Variants in ZNF329 observed in about 807,000 individuals in gnomAD.
The protein encoded by ZNF329 is zinc finger protein 329.
In ZNF329, 15 loss-of-function variants were observed where a neutral mutation model predicts 26.6. The observed-to-expected ratio is 0.56, with a 90% CI of 0.38 to 0.87. ZNF329 has a LOEUF of 0.87. Ranked by LOEUF, ZNF329 falls within the 40% of genes least tolerant of loss-of-function variation. The probability of loss-of-function intolerance (pLI) is 0.00; values close to 1 mark genes in which losing one functional copy is unlikely to be tolerated. For missense variants in ZNF329, 651 were observed against 651.9 expected (o/e 1.00, Z 0.02); for synonymous variants, 239 against 233.5 (o/e 1.02, Z -0.21).
Position 58,128,863 on chromosome 19 carries a change from CG to C in ZNF329, c.640del (p.Arg214GlyfsTer33). On this transcript the variant is annotated frameshift_variant, in exon 4 of 4. Transcript: ENST00000598312. LOFTEE classifies it high-confidence loss of function. The stretch of plus-strand genomic sequence containing the variant: ...GTGATGCAAAACAAGAGAAGAGTTC[CG>C]TTTGAAGCATTTGCCACATTCAGTA... Reference protein sequence around the residue: ...RCTECGKCFKRNSSLVLHHRT... With the variant: ...RCTECGKCFKXNSSLVLHHRT... 1 of 1,612,876 alleles carries C rather than the reference CG, an allele frequency of 6.2e-7. No individual in the cohort carries two copies. The highest frequency in any genetic ancestry group is 8.5e-7 in the Non-Finnish European group (1 of 1,179,606).
At chr19:58,146,541 CT>C (rs1352406449) in intron 1 of ZNF329, among the ~76,000 whole-genome samples, 5,573 of 151,318 alleles carry the variant, frequency 0.037, 231 homozygotes, top group African/African-American at 0.12. Flanking sequence ...CCCCCTCCCC[CT>C]CTCCCTCTCC....
At position 58,129,378 on chromosome 19, in the gene ZNF329, G is replaced by C. The variant is rs771006762; in HGVS notation, c.126C>G (p.Asn42Lys). Reference sequence around the variant, plus strand: ...CTGATTGCCTCAAGTGTCCCTCCTGGTTCTCACAGTCCCAACCATCACCTA... The same window carrying C: ...CTGATTGCCTCAAGTGTCCCTCCTGCTTCTCACAGTCCCAACCATCACCTA... ...SSLGDGWDCE[N>K]QEGHLRQSAL... is the part of the protein sequence containing the mutation. The change falls in exon 4 of 4, where the codon AAC becomes AAG. Residue 42 changes from asparagine to lysine, a missense_variant. Transcript: ENST00000598312. 1 of 1,614,146 alleles carries C rather than the reference G, an allele frequency of 6.2e-7. No individual in the cohort carries two copies. The highest frequency in any genetic ancestry group is 1.7e-5 in the Admixed American group (1 of 60,012).
chr19:58,137,809 C>CAAAAAAAAAAAAAAAAAAAAA (rs72295173), intron 3 of ZNF329, among the ~76,000 whole-genome samples: 1 of 76,262 alleles, frequency 1.3e-5, no homozygotes, highest in African/African-American at 5.0e-5. Context: ...ACAAAAAATA[C>CAAAAAAAAAAAAAAAAAAAAA]AAAAAAAAAA....
chr19:58,131,901 T>C (rs2074952902), intron 3 of ZNF329, among the ~76,000 whole-genome samples: 1 of 151,526 alleles, frequency 6.6e-6, no homozygotes, highest in Non-Finnish European at 1.5e-5. Context: ...CGGGCGCCTG[T>C]AGTCCCAGCT....
At chr19:58,137,035 CT>C (rs2075085503) in intron 3 of ZNF329, 1 of 183,968 alleles carries the variant, frequency 5.4e-6, no homozygotes, top group African/African-American at 2.4e-5. Flanking sequence ...TAAGTCCCAC[CT>C]TCAACACCTT....
intron 3 of ZNF329, among the ~76,000 whole-genome samples, chr19:58,137,509 G>C (rs929874138): frequency 6.6e-6 from 1 of 151,982 alleles, no homozygotes; most frequent in Non-Finnish European, 1.5e-5. Context: ...AGCCGAGATC[G>C]TGCCACTGCA....
At chr19:58,152,686 GTC>G (rs2146151808), upstream of ZNF329, among the ~76,000 whole-genome samples, 1 of 152,164 alleles carries the variant, frequency 6.6e-6, no homozygotes, top group South Asian at 2.1e-4. Context: ...TGTGAAACCT[GTC>G]TCTACTAAAA....
intron 1 of ZNF329, among the ~76,000 whole-genome samples, chr19:58,146,674 C>A: frequency 6.6e-6 from 1 of 151,846 alleles, no homozygotes; most frequent in East Asian, 2.0e-4. Flanking sequence ...CCTCAGCCTG[C>A]CGAGTGCCTG....
chr19:58,130,165 C>CA (rs1170681121), intron 3 of ZNF329, among the ~76,000 whole-genome samples: 5 of 151,630 alleles, frequency 3.3e-5, no homozygotes, highest in African/African-American at 4.8e-5. Context: ...ACTAAAAATA[C>CA]AAAAAAAATC....
At position 58,144,448 on chromosome 19, in the gene ZNF329, C is replaced by T. The variant is rs187580355; in HGVS notation, c.-207-1250G>A. Among the ~76,000 whole-genome samples the T allele has an allele frequency of 4.2e-3, 626 of 150,278 alleles. 9 individuals are homozygous for T. Among genetic ancestry groups the T allele is most frequent in the African/African-American group, 0.014 (587 of 40,684 alleles). On this transcript the variant is annotated intron_variant, in intron 1 of 3. Coordinates refer to ENST00000598312, the MANE Select transcript of ZNF329 (RefSeq NM_024620.4). ...CTGTAGCTGGGCTGGAGTGCAGTGG[C>T]GCGATCTCGGCTCACTGCAACCTCC...
At chr19:58,152,109 A>G (rs1300413016), upstream of ZNF329, among the ~76,000 whole-genome samples, 1 of 152,252 alleles carries the variant, frequency 6.6e-6, no homozygotes, top group African/African-American at 2.4e-5. Flanking sequence ...TTGGAAATCA[A>G]TTAGCAAAAG....
At chr19:58,131,109 A>ATGTGTGTG (rs1397885691) in intron 3 of ZNF329, among the ~76,000 whole-genome samples, 2 of 147,360 alleles carry the variant, frequency 1.4e-5, no homozygotes, top group African/African-American at 5.0e-5. Context: ...ATATACATGT[A>ATGTGTGTG]TATGTGTATA....
At chr19:58,140,954 T>A (rs746289650) in intron 3 of ZNF329, among the ~76,000 whole-genome samples, 3 of 149,364 alleles carry the variant, frequency 2.0e-5, no homozygotes, top group Non-Finnish European at 4.4e-5. Context: ...CACTGCAACC[T>A]CCACCTCCTG....
At chr19:58,148,992 A>T (rs974422696) in intron 1 of ZNF329, among the ~76,000 whole-genome samples, 5 of 152,222 alleles carry the variant, frequency 3.3e-5, no homozygotes, top group Non-Finnish European at 7.3e-5. Flanking sequence ...CCAGACAGTT[A>T]AGGCATTCTA....
intron 3 of ZNF329, among the ~76,000 whole-genome samples, chr19:58,136,149 T>G (rs12976966): frequency 0.12 from 17,988 of 151,124 alleles, 1,354 homozygotes; most frequent in Middle Eastern, 0.23. Context: ...GAGAATCGCT[T>G]GAACCTGGGA....
At chr19:58,140,226 G>A (rs1351560855) in intron 3 of ZNF329, among the ~76,000 whole-genome samples, 4 of 151,954 alleles carry the variant, frequency 2.6e-5, no homozygotes, top group Admixed American at 6.6e-5. Context: ...ATGAATTAGT[G>A]CCCCCAGAAT....
upstream of ZNF329, chr19:58,154,998 C>G (rs1417497056): frequency 6.6e-6 from 1 of 152,444 alleles, no homozygotes; most frequent in East Asian, 1.9e-4. Context: ...CGGGCCGCCC[C>G]GGTAGCGGCC....
At chr19:58,151,042 T>C (rs548898888), upstream of ZNF329, among the ~76,000 whole-genome samples, 1 of 152,384 alleles carries the variant, frequency 6.6e-6, no homozygotes, top group South Asian at 2.1e-4. Context: ...ATCTATAATC[T>C]TTTTTTGAGA....
intron 1 of ZNF329, among the ~76,000 whole-genome samples, chr19:58,143,729 A>G (rs1189283232): frequency 6.6e-6 from 1 of 152,178 alleles, no homozygotes; most frequent in Non-Finnish European, 1.5e-5. Flanking sequence ...TCACGCTCAC[A>G]CACAGGCTTA....
Sources: gnomAD v4.1 joint callset for allele counts (sites outside exome capture counted in the v4.1 genomes callset) on GRCh38, gnomAD v4.1.1 for gene constraint, MANE v1.5 for transcripts, NCBI Gene and HGNC (gene_info 2026-07-23, HGNC 2026-07-21) for gene names.